CSMD1: variants seen among roughly 807,000 people sequenced by gnomAD.
CSMD1 encodes the protein CUB and sushi domain-containing protein 1.
Under a neutral mutation model 417.5 loss-of-function variants are expected in CSMD1, and 213 were observed. The ratio of observed to expected loss-of-function variants is 0.51; its 90% CI spans 0.46 to 0.57. The LOEUF is 0.57. Ranked by LOEUF, CSMD1 falls within the 20% of genes least tolerant of loss-of-function variation. The pLI, the probability that CSMD1 is intolerant of heterozygous loss-of-function variation, is 0.00. For synonymous variants in CSMD1, 2,862 were observed against 1,736.8 expected (o/e 1.65, Z -16.11); for missense variants, 6,923 against 4,529.7 (o/e 1.53, Z -15.17).
At chr8:4,231,752 A>G (rs1373368102) in intron 3 of CSMD1, among the ~76,000 whole-genome samples, 1 of 152,154 alleles carries the variant, frequency 6.6e-6, no homozygotes, top group Non-Finnish European at 1.5e-5. Flanking sequence ...AAAAGTAAAT[A>G]ACACTGTTGG....
chr8:4,171,563 G>C (rs1394773546), intron 3 of CSMD1, among the ~76,000 whole-genome samples: 1 of 151,542 alleles, frequency 6.6e-6, no homozygotes, highest in Non-Finnish European at 1.5e-5. Context: ...ACTGGATATG[G>C]AGTGATACGT....
At chr8:3,098,193 G>A (rs1815464979) in intron 46 of CSMD1, among the ~76,000 whole-genome samples, 1 of 152,164 alleles carries the variant, frequency 6.6e-6, no homozygotes, top group African/African-American at 2.4e-5. Flanking sequence ...CTTGTAGAGT[G>A]TTAAGAGTTC....
At chr8:3,060,310 T>C (rs1490320712) in intron 49 of CSMD1, among the ~76,000 whole-genome samples, 1 of 152,056 alleles carries the variant, frequency 6.6e-6, no homozygotes, top group Admixed American at 6.6e-5. Flanking sequence ...TGTGCCTAGC[T>C]AATTTTTGTA....
At chr8:4,963,536 C>T (rs758058054) in intron 1 of CSMD1, among the ~76,000 whole-genome samples, 1 of 152,154 alleles carries the variant, frequency 6.6e-6, no homozygotes, top group Non-Finnish European at 1.5e-5. Flanking sequence ...ATAGATTTAC[C>T]TCCCTTACCT....
At chr8:4,758,775 A>T (rs1360564970) in intron 1 of CSMD1, among the ~76,000 whole-genome samples, 1 of 152,140 alleles carries the variant, frequency 6.6e-6, no homozygotes. Flanking sequence ...GAAGTCCCTC[A>T]ATGTCATGAG....
At chr8:3,622,030 T>C (rs1207790784) in intron 7 of CSMD1, among the ~76,000 whole-genome samples, 1 of 151,778 alleles carries the variant, frequency 6.6e-6, no homozygotes, top group Non-Finnish European at 1.5e-5. Flanking sequence ...TGAATAGGTC[T>C]GTATTTCTAA....
chr8:3,605,923 G>T (rs2469346), intron 8 of CSMD1, among the ~76,000 whole-genome samples: 1 of 152,004 alleles, frequency 6.6e-6, no homozygotes, highest in Non-Finnish European at 1.5e-5. Context: ...TATCCCTAGA[G>T]ACTGGCTTGT....
At chr8:3,402,421 C>T (rs893098773) in intron 15 of CSMD1, among the ~76,000 whole-genome samples, 1 of 152,014 alleles carries the variant, frequency 6.6e-6, no homozygotes, top group African/African-American at 2.4e-5. Context: ...CATTTTTCCC[C>T]AAAATAGCTT....
In CSMD1 at chr8:3,487,246, G is replaced by T. The variant is rs552683659; in HGVS notation, c.1448+6377C>A. Among the ~76,000 whole-genome samples the T allele has an allele frequency of 1.2e-4, 19 of 152,018 alleles. 1 individual carries two copies. In the South Asian group the frequency reaches 3.7e-3, roughly 30 times the overall value. ...AGACAGAGTCTAGCTCTGTCTCCCA[G>T]GCTGGAGTGCAGTGGCGCGATCTTG... is the stretch of plus-strand genomic sequence containing the variant. On this transcript the variant is annotated intron_variant, in intron 11 of 69. Transcript: ENST00000635120.
At chr8:3,303,942 G>C (rs1298131447) in intron 25 of CSMD1, among the ~76,000 whole-genome samples, 1 of 74,678 alleles carries the variant, frequency 1.3e-5, no homozygotes, top group Non-Finnish European at 3.3e-5. Context: ...TTGGGGTATT[G>C]CGCCCCATTA....
At chr8:3,738,964 G>C (rs1417106720) in intron 6 of CSMD1, among the ~76,000 whole-genome samples, 1 of 152,164 alleles carries the variant, frequency 6.6e-6, no homozygotes, top group Non-Finnish European at 1.5e-5. Context: ...ACAAAAAGGT[G>C]TGTTCAAACT....
chr8:4,161,377 C>T (rs2552087), intron 3 of CSMD1, among the ~76,000 whole-genome samples: 43,227 of 152,140 alleles, frequency 0.28, 6,278 homozygotes, highest in East Asian at 0.43. Context: ...CTTTCAGCCA[C>T]AGAATTAAAG....
chr8:3,441,074 C>G (rs1039850299), intron 12 of CSMD1, among the ~76,000 whole-genome samples: 2 of 152,144 alleles, frequency 1.3e-5, no homozygotes, highest in Admixed American at 6.6e-5. Flanking sequence ...GAGGAGAAAA[C>G]AGACACCAAG....
intron 52 of CSMD1, among the ~76,000 whole-genome samples, chr8:3,005,892 A>T (rs1807846587): frequency 6.6e-6 from 1 of 152,052 alleles, no homozygotes; most frequent in Non-Finnish European, 1.5e-5. Context: ...CACCACTCCT[A>T]TTCAACATAG....
At chr8:3,455,296 CCTT>C in intron 12 of CSMD1, among the ~76,000 whole-genome samples, 1 of 152,274 alleles carries the variant, frequency 6.6e-6, no homozygotes, top group Non-Finnish European at 1.5e-5. Flanking sequence ...TCATCTGAAG[CCTT>C]CTTCTCTCAA....
intron 3 of CSMD1, among the ~76,000 whole-genome samples, chr8:4,418,591 G>T (rs572711920): frequency 6.6e-6 from 1 of 152,128 alleles, no homozygotes; most frequent in Non-Finnish European, 1.5e-5. Context: ...TATGTTAACA[G>T]GACAAAATAT....
Position 3,151,479 on chromosome 8 carries a change from A to G in CSMD1, c.5949T>C (p.Gly1983=). The change falls in exon 40 of 70, where the codon GGT becomes GGC. Residue 1983 remains glycine, a synonymous_variant. Coordinates refer to ENST00000635120, the MANE Select transcript of CSMD1 (RefSeq NM_033225.6). The part of the protein sequence containing the change: ...TCGGTLSTLG[G]VILSPGFPGS... ...CTGGGAAGCCGGGGCTCAGGATCACACCACCCAAGGTGCTCAGCGTCCCTC... is the reference window on the plus strand; with the variant it reads ...CTGGGAAGCCGGGGCTCAGGATCACGCCACCCAAGGTGCTCAGCGTCCCTC... The G allele has an allele frequency of 2.5e-6, 4 of 1,613,604 alleles. No individual in the cohort carries two copies. Among genetic ancestry groups the G allele is most frequent in the Non-Finnish European group, 3.4e-6 (4 of 1,179,798 alleles).
intron 6 of CSMD1, among the ~76,000 whole-genome samples, chr8:3,746,270 C>A (rs769628998): frequency 3.3e-5 from 5 of 152,146 alleles, no homozygotes; most frequent in Non-Finnish European, 5.9e-5. Context: ...AAACAATTTA[C>A]GAAGGGATTG....
intron 3 of CSMD1, among the ~76,000 whole-genome samples, chr8:4,186,349 G>A (rs574997257): frequency 6.6e-6 from 1 of 152,118 alleles, no homozygotes; most frequent in Non-Finnish European, 1.5e-5. Context: ...CCAGCCCTGG[G>A]CTGATTCCTA....
Sources: gnomAD v4.1 joint callset for allele counts (sites outside exome capture counted in the v4.1 genomes callset) on GRCh38, gnomAD v4.1.1 for gene constraint, MANE v1.5 for transcripts, NCBI Gene and HGNC (gene_info 2026-07-23, HGNC 2026-07-21) for gene names.